TPI1: variants seen among roughly 807,000 people sequenced by gnomAD.
TPI1 encodes the protein triosephosphate isomerase 1.
TPI1 carries 11 observed loss-of-function variants against 31.0 expected under a neutral mutation model. The observed-to-expected ratio is 0.36, with a 90% confidence interval of 0.22 to 0.59. TPI1 has a LOEUF of 0.59. Among genes scored for constraint, TPI1 ranks in the 20% least tolerant of loss-of-function variants. The pLI, the probability that TPI1 is intolerant of heterozygous loss-of-function variation, is 0.79. For missense variants in TPI1, 245 were observed against 319.7 expected (o/e 0.77, Z 1.78); for synonymous variants, 121 against 122.8 (o/e 0.99, Z 0.10).
chr12:6,868,110 CT>C (rs1431050972), intron 1 of TPI1: 3 of 1,274,502 alleles, frequency 2.4e-6, no homozygotes, highest in Non-Finnish European at 1.0e-6. Context: ...GACTCCTCCC[CT>C]TCCTCGCCGG....
intron 1 of TPI1, chr12:6,868,514 G>A (rs782163164): frequency 7.8e-7 from 1 of 1,279,830 alleles, no homozygotes; most frequent in East Asian, 5.1e-5. Context: ...GGGGAGGTGA[G>A]GATGGGCTAT....
upstream of TPI1, chr12:6,867,429 G>T (rs781958622): frequency 7.1e-7 from 1 of 1,414,632 alleles, no homozygotes; most frequent in Non-Finnish European, 9.3e-7. Context: ...CGGGCGGGGG[G>T]CAGGGCTCCG....
Position 6,870,411 on chromosome 12 carries a change from G to C in TPI1, c.*28G>C. The C allele has an allele frequency of 3.2e-6, 5 of 1,556,312 alleles. No individual in the cohort carries two copies. The highest frequency in any genetic ancestry group is 3.5e-6 in the Non-Finnish European group (4 of 1,128,484). Reference sequence around the variant, plus strand: ...CCCATCCATCTTCCCTACCCTTCCTGCCAAGCCAGGGACTAAGCAGCCCAG... The same window carrying C: ...CCCATCCATCTTCCCTACCCTTCCTCCCAAGCCAGGGACTAAGCAGCCCAG... On this transcript the variant is annotated 3_prime_UTR_variant, in exon 7 of 7. Coordinates refer to ENST00000396705, the MANE Select transcript of TPI1 (RefSeq NM_000365.6).
intron 4 of TPI1, 73 bp from the exon 5 acceptor site, chr12:6,869,615 C>A: frequency 6.4e-7 from 1 of 1,571,726 alleles, no homozygotes; most frequent in Non-Finnish European, 8.8e-7. Flanking sequence ...CACCGTTCTT[C>A]GTACTCCGGA....
chr12:6,868,747 G>T, intron 1 of TPI1, 117 bp from the exon 2 acceptor site: 1 of 1,485,600 alleles, frequency 6.7e-7, no homozygotes, highest in Middle Eastern at 2.3e-4. Flanking sequence ...AAAAGGGGGA[G>T]AGCAGAACCA....
At chr12:6,868,163 C>CT (rs1555131800) in intron 1 of TPI1, 2 of 1,287,644 alleles carry the variant, frequency 1.6e-6, no homozygotes, top group Admixed American at 2.3e-5. Flanking sequence ...TCCCTGAGCC[C>CT]CAGATCTGAC....
rs1555132017 is a variant in TPI1 at position 6,868,844 on chromosome 12, T to G, written c.116-20T>G. ...GGCTTTCTTTAGTCTCATCCCCCTGTGGTACCATCTTGTCCTCAGAGGTGG... is the reference window on the plus strand; with the variant it reads ...GGCTTTCTTTAGTCTCATCCCCCTGGGGTACCATCTTGTCCTCAGAGGTGG... On this transcript the variant is annotated intron_variant, in intron 1 of 6. Transcript: ENST00000396705. The G allele has an allele frequency of 6.2e-7, 1 of 1,609,426 alleles. No individual in the cohort carries two copies. Among genetic ancestry groups the G allele is most frequent in the Admixed American group, 1.7e-5 (1 of 59,326 alleles).
In TPI1 at chr12:6,869,093, C is replaced by A. The variant is rs1565537589; in HGVS notation, c.240-6C>A. On this transcript the variant is annotated splice_region_variant and splice_polypyrimidine_tract_variant and intron_variant, in intron 2 of 6. Transcript: ENST00000396705. ...TGCTGAACCTTGGCTTCATCTCTTC[C>A]TTTAGCCCTGGCATGATCAAAGACT... 1 of 1,614,176 alleles carries A rather than the reference C, an allele frequency of 6.2e-7. No homozygotes were observed. Among genetic ancestry groups the A allele is most frequent in the East Asian group, 2.2e-5 (1 of 44,886 alleles).
In TPI1 at chr12:6,867,821, TG is replaced by T; in HGVS notation, c.115+144del. 3 of 964,898 alleles carry T rather than the reference TG, an allele frequency of 3.1e-6. No homozygotes were observed. The South Asian group carries it at 6.0e-5, about 19-fold the overall frequency. 59.8% of individuals were successfully genotyped at this position (964,898 alleles called of 1,614,324 possible). On this transcript the variant is annotated intron_variant, in intron 1 of 6. Transcript: ENST00000396705. ...TGCAGGGCTGTGGGACGAGGGCCGC[TG>T]GGGTCCGGGCAGGGGCCTCGCAGCC...
Position 6,870,834 on chromosome 12 carries a change from T to G in TPI1, c.*451T>G, listed in dbSNP as rs1555133008. 7.5e-6 allele frequency: 4 copies of G among 535,912 alleles called. No homozygotes were observed. Among genetic ancestry groups the G allele is most frequent in the Non-Finnish European group, 1.4e-5 (4 of 280,874 alleles). The allele number at this position is 535,912 out of a possible 1,614,324, so 33.2% of individuals were successfully genotyped here. On this transcript the variant is annotated 3_prime_UTR_variant, in exon 7 of 7. Transcript: ENST00000396705. ...GGAATAAACCTGGCACTAGGTCTTGTGGTTTGTCTGCCTTCACTGGACTTG... is the reference window on the plus strand; with the variant it reads ...GGAATAAACCTGGCACTAGGTCTTGGGGTTTGTCTGCCTTCACTGGACTTG...
Position 6,868,294 on chromosome 12 carries a change from A to G in TPI1, c.116-570A>G, listed in dbSNP as rs1555131863. On this transcript the variant is annotated intron_variant, in intron 1 of 6. Transcript: ENST00000396705. ...CTACCGCTTTCCCCAACCTGGAAAC[A>G]GCAAAGCGCAAGGCCTCTGAGTCAG... 6 of 1,287,520 alleles carry G rather than the reference A, an allele frequency of 4.7e-6. 1 individual carries two copies. In the Admixed American group the frequency reaches 9.2e-5, roughly 20 times the overall value. The allele number at this position is 1,287,520 out of a possible 1,614,324, so 79.8% of individuals were successfully genotyped here.
chr12:6,867,855 C>T (rs902888363), intron 1 of TPI1, among the ~76,000 whole-genome samples, 174 bp downstream of exon 1: 1 of 152,168 alleles, frequency 6.6e-6, no homozygotes, highest in Admixed American at 6.5e-5. Context: ...GCCGCAGCCC[C>T]GTCGGTGCGT....
rs1555131538 is a variant in TPI1, at chr12:6,867,617, G to A, written c.51G>A (p.Gly17=). 7 of 1,613,056 alleles carry A rather than the reference G, an allele frequency of 4.3e-6. No homozygotes were observed. Among genetic ancestry groups the A allele is most frequent in the Non-Finnish European group, 5.9e-6 (7 of 1,179,744 alleles). Residue 17 remains glycine (G), a synonymous_variant, in exon 1 of 7, where the codon GGG becomes GGA. Transcript: ENST00000396705. ...FFVGGNWKMN[G]RKQSLGELIG... ...TTGGGGGAAACTGGAAGATGAACGG[G>A]CGGAAGCAGAGTCTGGGGGAGCTCA...
chr12:6,867,955 C>T (rs1356622144), intron 1 of TPI1: 2 of 808,418 alleles, frequency 2.5e-6, no homozygotes, highest in Non-Finnish European at 3.5e-6. Flanking sequence ...GGCCCCGGGG[C>T]GCGCACTGGG....
In TPI1 at chr12:6,870,872, T is replaced by A. The variant is rs1555133037; in HGVS notation, c.*489T>A. The A allele has an allele frequency of 1.7e-6, 1 of 575,160 alleles. No homozygotes were observed. Among genetic ancestry groups the A allele is most frequent in the African/African-American group, 1.9e-5 (1 of 54,012 alleles). 35.6% of individuals were successfully genotyped at this position (575,160 alleles called of 1,614,324 possible). A position where few individuals can be genotyped will look rare whatever the true frequency, so the allele number is the denominator to read the frequency against. On this transcript the variant is annotated 3_prime_UTR_variant, in exon 7 of 7. Coordinates refer to ENST00000396705, the MANE Select transcript of TPI1 (RefSeq NM_000365.6). ...TTCACTGGACTTGCCCAGATAATCT[T>A]CCTTTTTGAGGCAGCTATATAAATG...
chr12:6,867,551 C>T lies in TPI1; in HGVS notation c.-16C>T. 1.9e-6 allele frequency: 3 copies of T among 1,610,898 alleles called. No homozygotes were observed. Among genetic ancestry groups the T allele is most frequent in the East Asian group, 2.2e-5 (1 of 44,776 alleles). On this transcript the variant is annotated 5_prime_UTR_variant, in exon 1 of 7. Coordinates refer to ENST00000396705, the MANE Select transcript of TPI1 (RefSeq NM_000365.6). ...TGCGCGCAGACACTGACCTTCAGCG[C>T]CTCGGCTCCAGCGCCATGGCGCCCT...
rs1208246095 is a variant in TPI1, at chr12:6,870,763, A to G, written c.*380A>G. 7 of 517,372 alleles carry G rather than the reference A, an allele frequency of 1.4e-5. No homozygotes were observed. Among genetic ancestry groups the G allele is most frequent in the Admixed American group, 2.2e-5 (1 of 44,918 alleles). The allele number at this position is 517,372 out of a possible 1,614,324, so 32.0% of individuals were successfully genotyped here. On this transcript the variant is annotated 3_prime_UTR_variant, in exon 7 of 7. Transcript: ENST00000396705. ...GAAGGCAGGAGTGCTGCCCTCTCCC[A>G]TGGTGCCCGTGCCTCTGTGCTGTGT...
chr12:6,869,177 A>G lies in TPI1; in HGVS notation c.318A>G (p.Ser106=), dbSNP rs1416214402. ...AGAGAAGGCATGTCTTTGGGGAGTC[A>G]GATGAGGTTAGTAGCCAAGAGAGAA... ...HSERRHVFGE[S]DELIGQKVAH... The change falls in exon 3 of 7, where the codon TCA becomes TCG. Residue 106 remains serine (S), a synonymous_variant. Coordinates refer to ENST00000396705, the MANE Select transcript of TPI1 (RefSeq NM_000365.6). 1 of 1,614,098 alleles carries G rather than the reference A, an allele frequency of 6.2e-7. No homozygotes were observed. Among genetic ancestry groups the G allele is most frequent in the Non-Finnish European group, 8.5e-7 (1 of 1,180,040 alleles).
Position 6,870,328 on chromosome 12 carries a change from T to TGG in TPI1, c.697_698dup (p.Gly234ValfsTer39). 1 of 1,614,156 alleles carries TGG rather than the reference T, an allele frequency of 6.2e-7. No homozygotes were observed. The highest frequency in any genetic ancestry group is 8.5e-7 in the Non-Finnish European group (1 of 1,180,032). Reference sequence around the variant, plus strand: ...CAGCCTGATGTGGATGGCTTCCTTGTGGGTGGTGCTTCCCTCAAGCCCGAA... The same window carrying TGG: ...CAGCCTGATGTGGATGGCTTCCTTGTGGGGGTGGTGCTTCCCTCAAGCCCGAA... On this transcript the variant is annotated frameshift_variant, in exon 7 of 7. Coordinates refer to ENST00000396705, the MANE Select transcript of TPI1 (RefSeq NM_000365.6). LOFTEE classifies it high-confidence loss of function.
Sources: allele counts gnomAD v4.1 joint callset (sites outside exome capture counted in the v4.1 genomes callset), GRCh38; gene constraint gnomAD v4.1.1; transcripts MANE v1.5; gene names NCBI Gene and HGNC (gene_info 2026-07-23, HGNC 2026-07-21).